NIPAL2: variants seen among roughly 807,000 people sequenced by gnomAD.
The protein encoded by NIPAL2 is NIPA-like protein 2.
A neutral mutation model predicts 48.9 loss-of-function variants in NIPAL2; 43 were observed. The observed-to-expected ratio is 0.88, with a 90% confidence interval of 0.69 to 1.13. The LOEUF is 1.13. NIPAL2 is among the 50% of genes most tolerant of loss of function. NIPAL2 has a pLI of 0.00. For missense variants in NIPAL2, 446 were observed against 461.4 expected, an observed-to-expected ratio of 0.97 and a Z score of 0.31; for synonymous variants, 167 against 174.6, an observed-to-expected ratio of 0.96 and a Z score of 0.34.
Position 98,280,761 on chromosome 8 carries a change from TAG to T in NIPAL2, c.135+13240_135+13241del, listed in dbSNP as rs1554578553. On this transcript the variant is annotated intron_variant, in intron 1 of 10. Transcript: ENST00000430223. ...CTATATATATATATATATATATATATAGAGAGAGAGAGAGAGAGAGAGAGAGA... is the reference window on the plus strand; with the variant it reads ...CTATATATATATATATATATATATATAGAGAGAGAGAGAGAGAGAGAGAGA... Among the ~76,000 whole-genome samples, 257 of 30,036 alleles carry T rather than the reference TAG, an allele frequency of 8.6e-3. 5 individuals are homozygous for T. Among genetic ancestry groups the T allele is most frequent in the African/African-American group, 0.021 (181 of 8,802 alleles). The allele number at this position is 30,036 out of a possible 152,430, so 19.7% of individuals were successfully genotyped here. A position where few individuals can be genotyped will look rare whatever the true frequency, so the allele number is the denominator to read the frequency against.
intron 4 of NIPAL2, among the ~76,000 whole-genome samples, chr8:98,227,080 A>AGGC (rs1563503651): frequency 1.3e-5 from 2 of 152,058 alleles, no homozygotes; most frequent in Non-Finnish European, 2.9e-5. Flanking sequence ...CAATGGTGAC[A>AGGC]TAAGGCCCAA....
chr8:98,237,026 C>T (rs1812753198), intron 3 of NIPAL2, among the ~76,000 whole-genome samples: 1 of 151,948 alleles, frequency 6.6e-6, no homozygotes, highest in Admixed American at 6.6e-5. Context: ...GATCCACATC[C>T]AACAGGTCAC....
chr8:98,286,823 A>AG, intron 1 of NIPAL2, among the ~76,000 whole-genome samples: 1 of 149,034 alleles, frequency 6.7e-6, no homozygotes, highest in East Asian at 1.9e-4. Context: ...AAAAAAAAAA[A>AG]AAAAAAAAAA....
intron 1 of NIPAL2, among the ~76,000 whole-genome samples, chr8:98,271,177 A>C (rs2130878075): frequency 6.6e-6 from 1 of 152,152 alleles, no homozygotes; most frequent in South Asian, 2.1e-4. Context: ...TTGGCTATTC[A>C]GGCTCTTTTT....
chr8:98,282,167 C>CG (rs1161481340), intron 1 of NIPAL2, among the ~76,000 whole-genome samples: 1 of 152,100 alleles, frequency 6.6e-6, no homozygotes, highest in Admixed American at 6.5e-5. Context: ...GAGTGCATTC[C>CG]GGCAAAGGGC....
chr8:98,286,812 CAAAAAAA>C (rs1182876107), intron 1 of NIPAL2, among the ~76,000 whole-genome samples: 4 of 57,874 alleles, frequency 6.9e-5, no homozygotes, highest in South Asian at 1.2e-3. Context: ...GAGACTCTGT[CAAAAAAA>C]AAAAAAAAAA....
chr8:98,210,426 A>T, intron 6 of NIPAL2, among the ~76,000 whole-genome samples: 1 of 151,690 alleles, frequency 6.6e-6, no homozygotes, highest in Non-Finnish European at 1.5e-5. Flanking sequence ...TTTTGTTATT[A>T]TTTTTCTGTT....
At chr8:98,260,944 A>G (rs1814281509) in intron 1 of NIPAL2, among the ~76,000 whole-genome samples, 1 of 152,146 alleles carries the variant, frequency 6.6e-6, no homozygotes, top group African/African-American at 2.4e-5. Flanking sequence ...GAACGGGCAG[A>G]CTGCCTCCTC....
chr8:98,235,280 T>G (rs1013712743), intron 4 of NIPAL2, among the ~76,000 whole-genome samples: 1 of 152,210 alleles, frequency 6.6e-6, no homozygotes, highest in Non-Finnish European at 1.5e-5. Flanking sequence ...GAAGAAAATA[T>G]GAATCTCTAT....
At chr8:98,271,705 C>A (rs1815138375) in intron 1 of NIPAL2, among the ~76,000 whole-genome samples, 1 of 152,018 alleles carries the variant, frequency 6.6e-6, no homozygotes, top group Non-Finnish European at 1.5e-5. Flanking sequence ...TGCCTGATTG[C>A]TGTGGATAGG....
chr8:98,260,544 C>G (rs1814242249), intron 1 of NIPAL2, among the ~76,000 whole-genome samples: 1 of 152,176 alleles, frequency 6.6e-6, no homozygotes, highest in Non-Finnish European at 1.5e-5. Context: ...TCGGGTCACT[C>G]CAACCCGAAT....
At chr8:98,222,715 A>G (rs1475425996) in intron 4 of NIPAL2, 115 bp from the exon 5 acceptor site, 1 of 977,492 alleles carries the variant, frequency 1.0e-6, no homozygotes, top group Non-Finnish European at 1.5e-6. Flanking sequence ...GCCCCTCCCT[A>G]TTATACTCCG....
chr8:98,259,935 A>C (rs112100810), intron 1 of NIPAL2, among the ~76,000 whole-genome samples: 2 of 152,352 alleles, frequency 1.3e-5, no homozygotes, highest in African/African-American at 4.8e-5. Context: ...AATTGATTCC[A>C]AAGCACTCAT....
intron 2 of NIPAL2, among the ~76,000 whole-genome samples, chr8:98,253,375 C>A (rs886871139): frequency 6.6e-6 from 1 of 152,030 alleles, no homozygotes; most frequent in Admixed American, 6.6e-5. Flanking sequence ...TGATTCAAAT[C>A]GTTTTAAAGA....
intron 1 of NIPAL2, among the ~76,000 whole-genome samples, chr8:98,262,196 A>C (rs1334441416): frequency 1.3e-5 from 2 of 151,504 alleles, no homozygotes; most frequent in African/African-American, 4.8e-5. Flanking sequence ...AAAGACCATC[A>C]AGACTAGGAA....
chr8:98,267,179 C>T (rs773955901), intron 1 of NIPAL2, among the ~76,000 whole-genome samples: 2 of 151,974 alleles, frequency 1.3e-5, no homozygotes, highest in Non-Finnish European at 2.9e-5. Context: ...TTTTGGTTTT[C>T]TTAATAGAGG....
chr8:98,190,772 C>T lies in NIPAL2; in HGVS notation c.*2206G>A, dbSNP rs1231070903. On this transcript the variant is annotated 3_prime_UTR_variant, in exon 11 of 11. Coordinates refer to ENST00000430223, the MANE Select transcript of NIPAL2 (RefSeq NM_001321635.2). ...GACAACACAAACTCCAAAATATGTA[C>T]TCTGTGGGTCTTTACTGAAAACTTT... 2.0e-5 allele frequency: 3 copies of T among 152,186 alleles called. No homozygotes were observed. The highest frequency in any genetic ancestry group is 4.4e-5 in the Non-Finnish European group (3 of 68,034). 9.4% of individuals were successfully genotyped at this position (152,186 alleles called of 1,614,324 possible). A position where few individuals can be genotyped will look rare whatever the true frequency, so the allele number is the denominator to read the frequency against.
intron 1 of NIPAL2, among the ~76,000 whole-genome samples, chr8:98,265,788 A>G (rs1302510783): frequency 2.1e-5 from 3 of 142,920 alleles, no homozygotes; most frequent in South Asian, 4.7e-4. Flanking sequence ...CTGGGTATAT[A>G]CCCAAAGGAC....
intron 1 of NIPAL2, among the ~76,000 whole-genome samples, chr8:98,288,758 T>C (rs1213745609): frequency 6.6e-6 from 1 of 152,198 alleles, no homozygotes; most frequent in Non-Finnish European, 1.5e-5. Flanking sequence ...TGGTATCTCA[T>C]TGTGGTATTA....
Sources: allele counts gnomAD v4.1 joint callset (sites outside exome capture counted in the v4.1 genomes callset), GRCh38; gene constraint gnomAD v4.1.1; transcripts MANE v1.5; gene names NCBI Gene and HGNC (gene_info 2026-07-23, HGNC 2026-07-21).